AGBL1: variants seen among roughly 807,000 people sequenced by gnomAD.
The protein encoded by AGBL1 is AGBL carboxypeptidase 1.
Under a neutral mutation model 118.9 loss-of-function variants are expected in AGBL1, and 130 were observed. The observed-to-expected ratio is 1.09, with a 90% CI of 0.95 to 1.26. The LOEUF (loss-of-function observed/expected upper bound fraction) is 1.26. AGBL1 is among the 50% of genes most tolerant of loss of function. AGBL1 has a pLI of 0.00. For synonymous variants in AGBL1, 555 were observed against 478.9 expected (o/e 1.16, Z -2.08); for missense variants, 1,584 against 1,298.1 (o/e 1.22, Z -3.38).
intron 1 of AGBL1, among the ~76,000 whole-genome samples, chr15:86,098,417 G>A (rs1203098283): frequency 6.6e-6 from 1 of 152,040 alleles, no homozygotes; most frequent in Non-Finnish European, 1.5e-5. Flanking sequence ...TCTCCCCTAA[G>A]GTTTCTTCTA....
chr15:87,014,402 A>T (rs546718587), intron 24 of AGBL1, among the ~76,000 whole-genome samples: 1 of 152,322 alleles, frequency 6.6e-6, no homozygotes, highest in South Asian at 2.1e-4. Context: ...TTTATCTGCT[A>T]TATCTGTGTA....
At chr15:86,693,850 G>T (rs1400872962) in intron 22 of AGBL1, among the ~76,000 whole-genome samples, 1 of 152,018 alleles carries the variant, frequency 6.6e-6, no homozygotes, top group Non-Finnish European at 1.5e-5. Flanking sequence ...GTTGACTAGG[G>T]TGTCCTTTCC....
Position 86,226,492 on chromosome 15 carries a change from T to C in AGBL1, c.526+1541T>C, listed in dbSNP as rs141121838. Among the ~76,000 whole-genome samples, 88 of 152,282 alleles carry C rather than the reference T, an allele frequency of 5.8e-4. 1 individual carries two copies. Among genetic ancestry groups the C allele is most frequent in the African/African-American group, 2.0e-3 (84 of 41,574 alleles). ...TGGCTTACTTTCTACATACACACTT[T>C]CCTTAGCTCTTGAGCTTACGGTTGA... On this transcript the variant is annotated intron_variant, in intron 6 of 22. Coordinates refer to ENST00000614907, the MANE Select transcript of AGBL1 (RefSeq NM_001386094.1).
chr15:86,089,011 C>T (rs1895853191), intron 1 of AGBL1, among the ~76,000 whole-genome samples: 1 of 152,096 alleles, frequency 6.6e-6, no homozygotes, highest in African/African-American at 2.4e-5. Flanking sequence ...TGTTGATTGA[C>T]TAATAAAATG....
chr15:86,513,313 G>T (rs949132620), intron 18 of AGBL1, among the ~76,000 whole-genome samples: 1 of 151,646 alleles, frequency 6.6e-6, no homozygotes, highest in Non-Finnish European at 1.5e-5. Flanking sequence ...CCTTGAATTG[G>T]GTTTGTCTGA....
intron 21 of AGBL1, among the ~76,000 whole-genome samples, chr15:86,560,930 A>G (rs1164147614): frequency 6.6e-6 from 1 of 152,134 alleles, no homozygotes; most frequent in Non-Finnish European, 1.5e-5. Flanking sequence ...TGGCGGCATA[A>G]ATGTCTTCTT....
intron 22 of AGBL1, among the ~76,000 whole-genome samples, chr15:86,739,839 G>T (rs2077652492): frequency 6.6e-6 from 1 of 152,178 alleles, no homozygotes. Flanking sequence ...CCAGGGTTTT[G>T]TGACACTAAG....
intron 23 of AGBL1, chr15:86,946,153 A>G (rs1181576321): frequency 6.6e-6 from 1 of 152,218 alleles, no homozygotes; most frequent in Non-Finnish European, 1.5e-5. Flanking sequence ...ATCCCGGGTC[A>G]CTAATTATGA....
intron 18 of AGBL1, among the ~76,000 whole-genome samples, chr15:86,514,491 C>T (rs955061221): frequency 7.9e-5 from 12 of 152,038 alleles, no homozygotes; most frequent in Admixed American, 2.0e-4. Context: ...CTTCTTACTT[C>T]GTTTAGTGTT....
intron 21 of AGBL1, among the ~76,000 whole-genome samples, chr15:86,588,148 G>A (rs1467192334): frequency 6.6e-6 from 1 of 152,164 alleles, no homozygotes; most frequent in Non-Finnish European, 1.5e-5. Context: ...AGTTCATGAA[G>A]AGAATTTTAA....
intron 23 of AGBL1, among the ~76,000 whole-genome samples, chr15:86,981,518 T>G (rs2081231659): frequency 1.3e-5 from 2 of 152,224 alleles, no homozygotes; most frequent in Admixed American, 1.3e-4. Context: ...GTTCATGATC[T>G]TTGTCCATGT....
intron 18 of AGBL1, among the ~76,000 whole-genome samples, chr15:86,415,003 C>G (rs2081670571): frequency 6.6e-6 from 1 of 152,138 alleles, no homozygotes; most frequent in African/African-American, 2.4e-5. Flanking sequence ...TTGGGAATAA[C>G]ACCTATGAGA....
intron 21 of AGBL1, among the ~76,000 whole-genome samples, chr15:86,561,283 G>A (rs2083816277): frequency 6.6e-6 from 1 of 152,128 alleles, no homozygotes. Context: ...GGGTTTTTAT[G>A]GCTTTAGGTC....
intron 17 of AGBL1, among the ~76,000 whole-genome samples, chr15:86,317,512 A>C (rs1325831563): frequency 6.6e-6 from 1 of 152,298 alleles, no homozygotes; most frequent in East Asian, 1.9e-4. Context: ...TGAATGATGA[A>C]TCGGCACCAC....
chr15:86,644,774 G>C (rs892950430), intron 21 of AGBL1, among the ~76,000 whole-genome samples: 3 of 150,850 alleles, frequency 2.0e-5, no homozygotes, highest in Non-Finnish European at 4.4e-5. Context: ...GAGAGGTCAA[G>C]GCAGGTGGAT....
intron 22 of AGBL1, among the ~76,000 whole-genome samples, chr15:86,790,815 T>C (rs1025434198): frequency 6.6e-6 from 1 of 152,132 alleles, no homozygotes; most frequent in Non-Finnish European, 1.5e-5. Flanking sequence ...AACAGTTCTA[T>C]GTGGTAGCAG....
chr15:86,795,344 T>A (rs947059624), intron 22 of AGBL1, among the ~76,000 whole-genome samples: 1 of 152,062 alleles, frequency 6.6e-6, no homozygotes, highest in African/African-American at 2.4e-5. Context: ...CTTCTGGGAA[T>A]GAAGAGGAGG....
At chr15:86,503,967 T>C (rs1486361081) in intron 18 of AGBL1, among the ~76,000 whole-genome samples, 1 of 151,636 alleles carries the variant, frequency 6.6e-6, no homozygotes, top group Non-Finnish European at 1.5e-5. Context: ...GCAAATCTTA[T>C]GTTGCCTTTT....
chr15:86,834,290 T>A, intron 22 of AGBL1, among the ~76,000 whole-genome samples: 1 of 151,986 alleles, frequency 6.6e-6, no homozygotes, highest in South Asian at 2.1e-4. Flanking sequence ...AGTCACTCCA[T>A]CAGGCAAGCA....
Sources: allele counts gnomAD v4.1 joint callset (sites outside exome capture counted in the v4.1 genomes callset), GRCh38; gene constraint gnomAD v4.1.1; transcripts MANE v1.5; gene names NCBI Gene and HGNC (gene_info 2026-07-23, HGNC 2026-07-21).